The following CXCL8 variants were observed in gnomAD, a reference collection of about 807,000 sequenced individuals.
CXCL8 encodes C-X-C motif chemokine ligand 8.
A neutral mutation model predicts 10.9 loss-of-function variants in CXCL8; 12 were observed. That is an observed-to-expected ratio of 1.10 (90% CI 0.71 to 1.79). CXCL8 has a LOEUF of 1.79. Among genes scored for constraint, CXCL8 ranks in the 40% most tolerant of loss-of-function variants. CXCL8 has a pLI of 0.00. For missense variants in CXCL8, 145 were observed against 113.4 expected (o/e 1.28, Z -1.26); for synonymous variants, 41 against 39.6 (o/e 1.03, Z -0.13).
In CXCL8 at chr4:73,743,576, T is replaced by G. The variant is rs1729238387; in HGVS notation, c.*1112T>G. On this transcript the variant is annotated 3_prime_UTR_variant, in exon 4 of 4. Transcript: ENST00000307407. ...ATTCTTATAATATTATTTAAATGACTGCATTTTTAAATACAAGGCTTTATA... is the reference window on the plus strand; with the variant it reads ...ATTCTTATAATATTATTTAAATGACGGCATTTTTAAATACAAGGCTTTATA... 2 of 199,162 alleles carry G rather than the reference T, an allele frequency of 1.0e-5. No individual in the cohort carries two copies. Among genetic ancestry groups the G allele is most frequent in the East Asian group, 8.2e-5 (1 of 12,142 alleles). 12.3% of individuals were successfully genotyped at this position (199,162 alleles called of 1,614,324 possible). A position where few individuals can be genotyped will look rare whatever the true frequency, so the allele number is the denominator to read the frequency against.
In CXCL8 at chr4:73,740,973, G is replaced by A. The variant is rs568730456; in HGVS notation, c.64+251G>A. 2.6e-4 allele frequency among the ~76,000 whole-genome samples: 39 copies of A among 152,142 alleles called. 1 individual carries two copies. The highest frequency in any genetic ancestry group is 1.7e-3 in the South Asian group (8 of 4,824). On this transcript the variant is annotated intron_variant, in intron 1 of 3. Coordinates refer to ENST00000307407, the MANE Select transcript of CXCL8 (RefSeq NM_000584.4). The stretch of plus-strand genomic sequence containing the variant: ...ACCATGTAGCATGCATATATTTAAC[G>A]TAAATAAGTAATTTATAGTATGTCC...
Position 73,742,042 on chromosome 4 carries a change from A to G in CXCL8, c.284+10A>G, listed in dbSNP as rs770615996. ...AGAAGTTTTTGAAGAGGTAAGTTAT[A>G]TATTTTTTAATTTAAATTTTTCATT... is the stretch of plus-strand genomic sequence containing the variant. On this transcript the variant is annotated intron_variant, in intron 3 of 3. Coordinates refer to ENST00000307407, the MANE Select transcript of CXCL8 (RefSeq NM_000584.4). 3 of 1,482,888 alleles carry G rather than the reference A, an allele frequency of 2.0e-6. No individual in the cohort carries two copies. Among genetic ancestry groups the G allele is most frequent in the Non-Finnish European group, 1.8e-6 (2 of 1,088,000 alleles). The allele number at this position is 1,482,888 out of a possible 1,614,324, so 91.9% of individuals were successfully genotyped here.
chr4:73,742,673 ATTAT>A lies in CXCL8; in HGVS notation c.*216_*219del. 1 of 384,554 alleles carries A rather than the reference ATTAT, an allele frequency of 2.6e-6. No homozygotes were observed. The highest frequency in any genetic ancestry group is 4.8e-6 in the Non-Finnish European group (1 of 206,734). 23.8% of individuals were successfully genotyped at this position (384,554 alleles called of 1,614,324 possible). ...TCCAGAACATACTTATATGTAAAGTATTATTTATTTGAATCTACAAAAAACAACA... is the reference window on the plus strand; with the variant it reads ...TCCAGAACATACTTATATGTAAAGTATTATTTGAATCTACAAAAAACAACA... On this transcript the variant is annotated 3_prime_UTR_variant, in exon 4 of 4. Coordinates refer to ENST00000307407, the MANE Select transcript of CXCL8 (RefSeq NM_000584.4).
intron 2 of CXCL8, 132 bp from the exon 3 acceptor site, chr4:73,741,817 A>G: frequency 9.5e-7 from 1 of 1,048,372 alleles, no homozygotes; most frequent in Non-Finnish European, 1.4e-6. Flanking sequence ...TGTCTACATG[A>G]CATTTAAATA....
At position 73,742,666 on chromosome 4, in the gene CXCL8, G is replaced by A; in HGVS notation, c.*202G>A. Reference sequence around the variant, plus strand: ...TGAAATATCCAGAACATACTTATATGTAAAGTATTATTTATTTGAATCTAC... The same window carrying A: ...TGAAATATCCAGAACATACTTATATATAAAGTATTATTTATTTGAATCTAC... On this transcript the variant is annotated 3_prime_UTR_variant, in exon 4 of 4. Coordinates refer to ENST00000307407, the MANE Select transcript of CXCL8 (RefSeq NM_000584.4). 2.5e-6 allele frequency: 1 copy of A among 392,242 alleles called. No homozygotes were observed. Among genetic ancestry groups the A allele is most frequent in the Non-Finnish European group, 4.7e-6 (1 of 211,284 alleles). 24.3% of individuals were successfully genotyped at this position (392,242 alleles called of 1,614,324 possible).
chr4:73,743,221 A>G lies in CXCL8; in HGVS notation c.*757A>G, dbSNP rs1056363072. 2 of 221,450 alleles carry G rather than the reference A, an allele frequency of 9.0e-6. No homozygotes were observed. The highest frequency in any genetic ancestry group is 1.8e-5 in the Non-Finnish European group (2 of 110,844). 13.7% of individuals were successfully genotyped at this position (221,450 alleles called of 1,614,324 possible). A position where few individuals can be genotyped will look rare whatever the true frequency, so the allele number is the denominator to read the frequency against. On this transcript the variant is annotated 3_prime_UTR_variant, in exon 4 of 4. Transcript: ENST00000307407. ...GTTATAAAGATGTTATAGTAAATTT[A>G]TTTTATTTTAGATATTAAATGATGT...
chr4:73,741,752 A>C, intron 2 of CXCL8, 75 bp downstream of exon 2: 2 of 1,392,784 alleles, frequency 1.4e-6, no homozygotes, highest in Admixed American at 1.9e-5. Flanking sequence ...TATTTAGGAA[A>C]GTTCCAGGTG....
intron 1 of CXCL8, 95 bp downstream of exon 1, chr4:73,740,817 T>C: frequency 1.0e-6 from 1 of 971,782 alleles, no homozygotes. Flanking sequence ...ACAAACATCC[T>C]TTTTATTCAG....
chr4:73,742,255 A>G (rs1729195463), intron 3 of CXCL8, 194 bp from the exon 4 acceptor site: 1 of 579,314 alleles, frequency 1.7e-6, no homozygotes, highest in Non-Finnish European at 3.1e-6. Flanking sequence ...TGTGTCCTAT[A>G]CTCTTAGTAA....
intron 1 of CXCL8, among the ~76,000 whole-genome samples, chr4:73,741,012 G>A (rs1246732546): frequency 1.3e-5 from 2 of 151,978 alleles, no homozygotes; most frequent in South Asian, 2.1e-4. Flanking sequence ...TGAGAACCAC[G>A]GTTACCTATA....
intron 1 of CXCL8, 98 bp from the exon 2 acceptor site, chr4:73,741,444 A>G (rs1729170002): frequency 9.5e-6 from 11 of 1,161,192 alleles, no homozygotes; most frequent in Non-Finnish European, 3.7e-6. Context: ...GATGCCTTCC[A>G]TAGTCTCCAA....
intron 1 of CXCL8, 69 bp from the exon 2 acceptor site, chr4:73,741,473 G>A: frequency 2.8e-6 from 4 of 1,446,174 alleles, no homozygotes; most frequent in Non-Finnish European, 1.9e-6. Context: ...ATTGGAATTA[G>A]AAAGGAAGTA....
intron 3 of CXCL8, 61 bp from the exon 4 acceptor site, chr4:73,742,388 A>G: frequency 1.2e-6 from 1 of 827,440 alleles, no homozygotes; most frequent in South Asian, 1.7e-5. Flanking sequence ...TGACTTTTCA[A>G]GAACCCTACT....
Position 73,741,609 on chromosome 4 carries a change from C to G in CXCL8, c.132C>G (p.Phe44Leu), listed in dbSNP as rs1206028508. ...CQCIKTYSKP[F>L]HPKFIKELRV... is the part of the protein sequence containing the mutation. ...GCATAAAGACATACTCCAAACCTTT[C>G]CACCCCAAATTTATCAAAGAACTGA... Residue 44 changes from phenylalanine to leucine, a missense_variant, in exon 2 of 4, where the codon TTC (phenylalanine) becomes TTG (leucine). By Grantham distance (22) the Phe-to-Leu change is conservative (BLOSUM62 0). Transcript: ENST00000307407. The G allele has an allele frequency of 1.9e-6, 3 of 1,613,304 alleles. No homozygotes were observed. Among genetic ancestry groups the G allele is most frequent in the Non-Finnish European group, 1.7e-6 (2 of 1,179,470 alleles).
Position 73,743,136 on chromosome 4 carries a change from T to A in CXCL8, c.*672T>A, listed in dbSNP as rs1729226220. On this transcript the variant is annotated 3_prime_UTR_variant, in exon 4 of 4. Transcript: ENST00000307407. ...CCTATTTATTATTTATGTATTTATT[T>A]AAGCATCAAATATTTGTGCAAGAAT... The A allele has an allele frequency of 4.4e-6, 1 of 226,384 alleles. No individual in the cohort carries two copies. The highest frequency in any genetic ancestry group is 6.4e-5 in the East Asian group (1 of 15,562). 14.0% of individuals were successfully genotyped at this position (226,384 alleles called of 1,614,324 possible). A position where few individuals can be genotyped will look rare whatever the true frequency, so the allele number is the denominator to read the frequency against.
rs200831742 is a variant in CXCL8 at position 73,742,458 on chromosome 4, T to C, written c.294T>C (p.Asn98=). 10 of 1,449,556 alleles carry C rather than the reference T, an allele frequency of 6.9e-6. No homozygotes were observed. The highest frequency in any genetic ancestry group is 9.6e-6 in the Non-Finnish European group (10 of 1,045,880). 89.8% of individuals were successfully genotyped at this position (1,449,556 alleles called of 1,614,324 possible). A position where few individuals can be genotyped will look rare whatever the true frequency, so the allele number is the denominator to read the frequency against. The part of the protein sequence containing the change: ...VVEKFLKRAE[N]S ...TTTAATTTTATTTTAGGGCTGAGAA[T>C]TCATAAAAAAATTCATTCTCTGTGG... Residue 98 remains asparagine, a synonymous_variant, in exon 4 of 4, where the codon AAT becomes AAC. Transcript: ENST00000307407.
chr4:73,743,145 A>C lies in CXCL8; in HGVS notation c.*681A>C, dbSNP rs199716768. Reference sequence around the variant, plus strand: ...TATTTATGTATTTATTTAAGCATCAAATATTTGTGCAAGAATTTGGAAAAA... The same window carrying C: ...TATTTATGTATTTATTTAAGCATCACATATTTGTGCAAGAATTTGGAAAAA... On this transcript the variant is annotated 3_prime_UTR_variant, in exon 4 of 4. Transcript: ENST00000307407. 38 of 225,790 alleles carry C rather than the reference A, an allele frequency of 1.7e-4. No homozygotes were observed. Among genetic ancestry groups the C allele is most frequent in the African/African-American group, 8.2e-4 (37 of 45,080 alleles). 14.0% of individuals were successfully genotyped at this position (225,790 alleles called of 1,614,324 possible).
rs200090643 is a variant in CXCL8, at chr4:73,741,627, A to G, written c.150A>G (p.Lys50=). Residue 50 remains lysine, a synonymous_variant, in exon 2 of 4, where the codon AAA becomes AAG. Transcript: ENST00000307407. ...YSKPFHPKFI[K]ELRVIESGPH... ...AACCTTTCCACCCCAAATTTATCAA[A>G]GAACTGAGAGTGATTGAGAGTGGAC... is the stretch of plus-strand genomic sequence containing the variant. 3.0e-4 allele frequency: 478 copies of G among 1,613,578 alleles called. 1 individual carries two copies. The highest frequency in any genetic ancestry group is 3.3e-4 in the Middle Eastern group (2 of 6,084).
rs1010933801 is a variant in CXCL8, at chr4:73,743,159, A to C, written c.*695A>C. On this transcript the variant is annotated 3_prime_UTR_variant, in exon 4 of 4. Transcript: ENST00000307407. ...TTTAAGCATCAAATATTTGTGCAAG[A>C]ATTTGGAAAAATAGAAGATGAATCA... is the stretch of plus-strand genomic sequence containing the variant. 1 of 224,676 alleles carries C rather than the reference A, an allele frequency of 4.5e-6. No homozygotes were observed. Among genetic ancestry groups the C allele is most frequent in the Non-Finnish European group, 8.9e-6 (1 of 112,928 alleles). 13.9% of individuals were successfully genotyped at this position (224,676 alleles called of 1,614,324 possible). A position where few individuals can be genotyped will look rare whatever the true frequency, so the allele number is the denominator to read the frequency against.
Sources: allele counts gnomAD v4.1 joint callset (sites outside exome capture counted in the v4.1 genomes callset), GRCh38; gene constraint gnomAD v4.1.1; transcripts MANE v1.5; gene names NCBI Gene and HGNC (gene_info 2026-07-23, HGNC 2026-07-21).